ZBTB41: variants seen among roughly 807,000 people sequenced by gnomAD.
ZBTB41 encodes the protein zinc finger and BTB domain-containing protein 41.
In ZBTB41, 42 loss-of-function variants were observed where a neutral mutation model predicts 87.6. That is an observed-to-expected ratio of 0.48 (90% CI 0.37 to 0.62). ZBTB41 has a LOEUF of 0.62. Among genes scored for constraint, ZBTB41 ranks in the 20% least tolerant of loss-of-function variants. The pLI, the probability that ZBTB41 is intolerant of heterozygous loss-of-function variation, is 0.00. For missense variants in ZBTB41, 799 were observed against 1,078.9 expected (o/e 0.74, Z 3.63); for synonymous variants, 364 against 364.0 (o/e 1.00, Z 0.00).
chr1:197,185,401 A>C (rs549224390), intron 5 of ZBTB41, among the ~76,000 whole-genome samples: 11 of 152,192 alleles, frequency 7.2e-5, no homozygotes, highest in African/African-American at 2.6e-4. Flanking sequence ...ACAACTCTCC[A>C]CCTTGGCCAT....
intron 10 of ZBTB41, among the ~76,000 whole-genome samples, chr1:197,161,473 T>TTGTTAAATATTATTGTTAAATATTG (rs1659198072): frequency 3.4e-5 from 1 of 29,106 alleles, no homozygotes; most frequent in African/African-American, 5.3e-5. Context: ...GTTAAATATT[T>TTGTTAAATATTATTGTTAAATATTG]TGTAGCCCAT....
At chr1:197,189,107 A>G (rs1401277616) in intron 4 of ZBTB41, among the ~76,000 whole-genome samples, 1 of 152,230 alleles carries the variant, frequency 6.6e-6, no homozygotes, top group Non-Finnish European at 1.5e-5. Context: ...AAATACTGTA[A>G]TAAATAATTA....
At chr1:197,162,281 TAAAG>T (rs933757290) in intron 10 of ZBTB41, among the ~76,000 whole-genome samples, 20 of 152,148 alleles carry the variant, frequency 1.3e-4, no homozygotes, top group African/African-American at 4.8e-4. Context: ...AAATATAGAT[TAAAG>T]AAATAAACCT....
Position 197,201,139 on chromosome 1 carries a change from A to G in ZBTB41, c.-118+84T>C, listed in dbSNP as rs892296124. On this transcript the variant is annotated intron_variant, in intron 1 of 10. Transcript: ENST00000367405. The stretch of plus-strand genomic sequence containing the variant: ...CAGAAGAGCTTTCCCAGGCCCGGGC[A>G]AGGCGGAGAATGCGCTTGTAGTCGG... 3.3e-5 allele frequency among the ~76,000 whole-genome samples: 5 copies of G among 152,352 alleles called. No individual in the cohort carries two copies. The South Asian group carries it at 1.0e-3, about 32-fold the overall frequency.
chr1:197,175,408 T>C (rs1659578323), intron 8 of ZBTB41, among the ~76,000 whole-genome samples: 1 of 41,012 alleles, frequency 2.4e-5, no homozygotes, highest in Non-Finnish European at 7.0e-5. Context: ...TAAACGAAAC[T>C]ACTTCAAAAC....
At chr1:197,190,975 A>C (rs1310733441) in intron 3 of ZBTB41, 144 bp from the exon 4 acceptor site, 8 of 530,032 alleles carry the variant, frequency 1.5e-5, no homozygotes, top group Non-Finnish European at 2.6e-5. Flanking sequence ...GAGCTCTTTA[A>C]GAAGGTATCA....
chr1:197,180,694 A>C (rs1040601311), intron 6 of ZBTB41, among the ~76,000 whole-genome samples: 1 of 151,990 alleles, frequency 6.6e-6, no homozygotes, highest in African/African-American at 2.4e-5. Context: ...TGTTCTCCCT[A>C]TCTTTGTAGC....
intron 10 of ZBTB41, among the ~76,000 whole-genome samples, chr1:197,171,080 A>G (rs1311747902): frequency 6.6e-6 from 1 of 152,260 alleles, no homozygotes; most frequent in South Asian, 2.1e-4. Flanking sequence ...CAATGTAGTC[A>G]GCACTAAATT....
chr1:197,198,173 G>A (rs1370419314), intron 2 of ZBTB41, among the ~76,000 whole-genome samples: 1 of 151,982 alleles, frequency 6.6e-6, no homozygotes, highest in Non-Finnish European at 1.5e-5. Context: ...ATATGCTCTT[G>A]GAATTGTTAC....
intron 6 of ZBTB41, among the ~76,000 whole-genome samples, chr1:197,179,238 A>G (rs1659683676): frequency 6.6e-6 from 1 of 152,152 alleles, no homozygotes; most frequent in South Asian, 2.1e-4. Context: ...TGTACTGCAT[A>G]ATGACATTTC....
At chr1:197,176,753 C>T (rs905558050) in intron 7 of ZBTB41, 83 bp from the exon 8 acceptor site, 13 of 985,362 alleles carry the variant, frequency 1.3e-5, no homozygotes, top group Non-Finnish European at 1.7e-5. Context: ...GATGAATAAA[C>T]AATGAAAACT....
intron 6 of ZBTB41, among the ~76,000 whole-genome samples, chr1:197,178,820 G>A (rs1382850762): frequency 6.6e-6 from 1 of 152,118 alleles, no homozygotes; most frequent in Non-Finnish European, 1.5e-5. Context: ...ACTGAATTAA[G>A]TTGATGTGAA....
intron 10 of ZBTB41, among the ~76,000 whole-genome samples, chr1:197,164,986 A>ACATATCTAATATATTATATATATTAG (rs1571646889): frequency 1.5e-5 from 2 of 133,696 alleles, no homozygotes; most frequent in African/African-American, 5.5e-5. Flanking sequence ...TATATATAAT[A>ACATATCTAATATATTATATATATTAG]ATATAACCTC....
At chr1:197,182,654 G>C (rs911258160) in intron 5 of ZBTB41, among the ~76,000 whole-genome samples, 6 of 152,046 alleles carry the variant, frequency 3.9e-5, no homozygotes. Context: ...TCCTTTAACT[G>C]TTCAGATTGC....
chr1:197,173,467 T>A (rs1659524325), intron 9 of ZBTB41, among the ~76,000 whole-genome samples: 1 of 152,046 alleles, frequency 6.6e-6, no homozygotes, highest in Admixed American at 6.6e-5. Context: ...TGCAGCAGCA[T>A]CATAATAGCT....
At position 197,157,732 on chromosome 1, in the gene ZBTB41, T is replaced by C. The variant is rs1404862742; in HGVS notation, c.*1627A>G. The C allele has an allele frequency of 6.6e-6, 1 of 152,394 alleles. No individual in the cohort carries two copies. The highest frequency in any genetic ancestry group is 1.5e-5 in the Non-Finnish European group (1 of 67,830). 9.4% of individuals were successfully genotyped at this position (152,394 alleles called of 1,614,324 possible). Reference sequence around the variant, plus strand: ...TAACTGCCTCAGTTTTCAATATTTCTTTTGTTTTACCTCCGCTAGTATGGC... The same window carrying C: ...TAACTGCCTCAGTTTTCAATATTTCCTTTGTTTTACCTCCGCTAGTATGGC... On this transcript the variant is annotated 3_prime_UTR_variant, in exon 11 of 11. Coordinates refer to ENST00000367405, the MANE Select transcript of ZBTB41 (RefSeq NM_194314.3).
intron 5 of ZBTB41, among the ~76,000 whole-genome samples, chr1:197,187,828 C>T (rs980602594): frequency 2.6e-5 from 4 of 151,944 alleles, no homozygotes; most frequent in Non-Finnish European, 5.9e-5. Flanking sequence ...AAAAAATGAA[C>T]CAACAAACAA....
In ZBTB41 at chr1:197,156,813, G is replaced by A. The variant is rs192287830; in HGVS notation, c.*2546C>T. ...TTATATTACGCATCTCCCAGACTAG[G>A]TTAAGATTAAATGACAGGATGTAGT... On this transcript the variant is annotated 3_prime_UTR_variant, in exon 11 of 11. Transcript: ENST00000367405. 4 of 152,206 alleles carry A rather than the reference G, an allele frequency of 2.6e-5. No homozygotes were observed. Among genetic ancestry groups the A allele is most frequent in the African/African-American group, 9.6e-5 (4 of 41,468 alleles). 9.4% of individuals were successfully genotyped at this position (152,206 alleles called of 1,614,324 possible).
intron 6 of ZBTB41, 108 bp downstream of exon 6, chr1:197,180,880 T>A: frequency 8.3e-7 from 1 of 1,201,470 alleles, no homozygotes; most frequent in Middle Eastern, 2.6e-4. Context: ...TAAAGCACAA[T>A]TCATGCATTT....
Sources: allele counts gnomAD v4.1 joint callset (sites outside exome capture counted in the v4.1 genomes callset), GRCh38; gene constraint gnomAD v4.1.1; transcripts MANE v1.5; gene names NCBI Gene and HGNC (gene_info 2026-07-23, HGNC 2026-07-21).